ZZEF1: variants seen among roughly 807,000 people sequenced by gnomAD.
ZZEF1 encodes zinc finger ZZ-type and EF-hand domain containing 1.
ZZEF1 carries 157 observed loss-of-function variants against 342.8 expected under a neutral mutation model. The observed-to-expected ratio is 0.46, with a 90% CI of 0.40 to 0.52. The LOEUF is 0.52. Among genes scored for constraint, ZZEF1 ranks in the 20% least tolerant of loss-of-function variants. The pLI is 0.00. For missense variants in ZZEF1, 3,480 were observed against 3,725.6 expected (o/e 0.93, Z 1.72); for synonymous variants, 1,505 against 1,429.1 (o/e 1.05, Z -1.20).
chr17:4,085,625 C>G (rs1211800190), intron 16 of ZZEF1, 45 bp downstream of exon 16: 39 of 1,608,718 alleles, frequency 2.4e-5, no homozygotes, highest in Non-Finnish European at 3.2e-5. Flanking sequence ...AAATTTCATC[C>G]TCACAGACTT....
chr17:4,075,116 C>G lies in ZZEF1; in HGVS notation c.3464G>C (p.Gly1155Ala), dbSNP rs2057585037. 1 of 1,614,058 alleles carries G rather than the reference C, an allele frequency of 6.2e-7. No individual in the cohort carries two copies. The highest frequency in any genetic ancestry group is 1.3e-5 in the African/African-American group (1 of 74,914). The change falls in exon 23 of 55, where the codon GGC (glycine) becomes GCC (alanine). Residue 1155 changes from glycine to alanine, a missense_variant. By Grantham distance (60) the Gly-to-Ala change is moderately conservative. Coordinates refer to ENST00000381638, the MANE Select transcript of ZZEF1 (RefSeq NM_015113.4). ...ACTCACCTTGGGCCATTTATCAGTGCCAACTTTTGTGTCATAGCGTGTTTT... is the reference window on the plus strand; with the variant it reads ...ACTCACCTTGGGCCATTTATCAGTGGCAACTTTTGTGTCATAGCGTGTTTT... ...GRKTRYDTKV[G>A]TDKWPKKVTF...
chr17:4,139,213 T>G (rs1053251665), intron 1 of ZZEF1, among the ~76,000 whole-genome samples: 2 of 150,486 alleles, frequency 1.3e-5, no homozygotes, highest in Non-Finnish European at 2.9e-5. Flanking sequence ...TGGTCCATGG[T>G]CCAACTCCAA....
At chr17:4,123,236 T>C (rs2145548349) in intron 2 of ZZEF1, among the ~76,000 whole-genome samples, 1 of 141,568 alleles carries the variant, frequency 7.1e-6, no homozygotes, top group South Asian at 2.2e-4. Context: ...CTTCTTATTA[T>C]GCCTAATTTA....
At chr17:4,136,069 T>C (rs1246720023) in intron 1 of ZZEF1, among the ~76,000 whole-genome samples, 1 of 142,136 alleles carries the variant, frequency 7.0e-6, no homozygotes, top group Non-Finnish European at 1.5e-5. Flanking sequence ...CTCGGCTCAC[T>C]GCAACCTGTC....
At position 4,021,933 on chromosome 17, in the gene ZZEF1, G is replaced by GT. The variant is rs932241935; in HGVS notation, c.7213-614dup. Among the ~76,000 whole-genome samples the GT allele has an allele frequency of 1.3e-3, 186 of 146,646 alleles. 1 individual carries two copies. The highest frequency in any genetic ancestry group is 7.1e-3 in the South Asian group (33 of 4,648). On this transcript the variant is annotated intron_variant, in intron 44 of 54. Coordinates refer to ENST00000381638, the MANE Select transcript of ZZEF1 (RefSeq NM_015113.4). The stretch of plus-strand genomic sequence containing the variant: ...GTGTTTGGAATATAGAGTTTGGAGG[G>GT]TTTTTTTTTTTCTTTTATAAAGTTT...
chr17:4,025,838 A>G (rs1292871709), intron 42 of ZZEF1, among the ~76,000 whole-genome samples: 1 of 152,252 alleles, frequency 6.6e-6, no homozygotes, highest in African/African-American at 2.4e-5. Context: ...GTATAGGACT[A>G]TGATCCCTGA....
Position 4,109,672 on chromosome 17 carries a change from T to C in ZZEF1, c.1258A>G (p.Thr420Ala). 3.1e-6 allele frequency: 5 copies of C among 1,614,090 alleles called. No individual in the cohort carries two copies. The change falls in exon 6 of 55, where the codon ACA (threonine) becomes GCA (alanine). Residue 420 changes from threonine to alanine, a missense_variant. This residue lies in a region of ZZEF1 where 1,528 missense variants were observed against 1,624.1 expected (regional missense o/e 0.94). Coordinates refer to ENST00000381638, the MANE Select transcript of ZZEF1 (RefSeq NM_015113.4). ...SMETNPAFVQ[T>A]VLHNTQKALR... ...ACTTACTGAGTATTGTGCAGCACTGTCTGGACAAAGGCGGGATTTGTCTCC... is the reference window on the plus strand; with the variant it reads ...ACTTACTGAGTATTGTGCAGCACTGCCTGGACAAAGGCGGGATTTGTCTCC...
rs1165609641 is a variant in ZZEF1 at position 4,114,314 on chromosome 17, C to A, written c.851G>T (p.Cys284Phe). 1 of 1,600,264 alleles carries A rather than the reference C, an allele frequency of 6.2e-7. No homozygotes were observed. The highest frequency in any genetic ancestry group is 2.3e-5 in the East Asian group (1 of 44,322). Residue 284 changes from cysteine (C) to phenylalanine (F), a missense_variant, in exon 4 of 55, where the codon TGT (cysteine) becomes TTT (phenylalanine). By Grantham distance (205) the Cys-to-Phe change is radical (BLOSUM62 -2). Coordinates refer to ENST00000381638, the MANE Select transcript of ZZEF1 (RefSeq NM_015113.4). ...SSYWQSDGSA[C>F]SHWIRLKMKP... The stretch of plus-strand genomic sequence containing the variant: ...TACCACCCACCGAATCCAGTGTGAA[C>A]AGGCACTGCCATCTGACTGCCAGTA...
chr17:4,103,271 A>G (rs1238069569), intron 8 of ZZEF1, among the ~76,000 whole-genome samples: 1 of 152,180 alleles, frequency 6.6e-6, no homozygotes, highest in Admixed American at 6.6e-5. Context: ...GCTGGGCATC[A>G]TGGCTCATGC....
chr17:4,120,444 G>A (rs1292132386), intron 2 of ZZEF1, among the ~76,000 whole-genome samples: 1 of 152,030 alleles, frequency 6.6e-6, no homozygotes, highest in Admixed American at 6.6e-5. Flanking sequence ...AGAAATAATA[G>A]GATATATGTA....
At chr17:4,095,805 T>A in intron 11 of ZZEF1, 26 bp downstream of exon 11, 1 of 1,587,542 alleles carries the variant, frequency 6.3e-7, no homozygotes, top group Non-Finnish European at 8.6e-7. Context: ...AGATCTTTGT[T>A]CTACAAAGAT....
At chr17:4,111,018 C>T (rs772779668) in intron 5 of ZZEF1, among the ~76,000 whole-genome samples, 8 of 152,078 alleles carry the variant, frequency 5.3e-5, no homozygotes, top group South Asian at 4.1e-4. Context: ...CAGCCAATTA[C>T]GGCATATTTT....
In ZZEF1 at chr17:4,062,649, G is replaced by T. The variant is rs900809718; in HGVS notation, c.4883+104C>A. The T allele has an allele frequency of 2.3e-6, 3 of 1,289,478 alleles. No homozygotes were observed. In the East Asian group the frequency reaches 7.7e-5, roughly 33 times the overall value. 79.9% of individuals were successfully genotyped at this position (1,289,478 alleles called of 1,614,324 possible). On this transcript the variant is annotated intron_variant, in intron 30 of 54. Transcript: ENST00000381638. ...ATGAATTAACCAAAAACGTACATTT[G>T]TATCCTACATAGAAATGATGCTGCT...
chr17:4,112,033 A>AATATATATATATATATATAT (rs57925351), intron 5 of ZZEF1, among the ~76,000 whole-genome samples: 1 of 54,436 alleles, frequency 1.8e-5, no homozygotes, highest in African/African-American at 5.6e-5. Flanking sequence ...ATCCTGTCTA[A>AATATATATATATATATATAT]ATATATATAT....
At position 4,122,164 on chromosome 17, in the gene ZZEF1, T is replaced by C. The variant is rs80205776; in HGVS notation, c.499+1743A>G. Reference sequence around the variant, plus strand: ...TATTTTGCCTCCATTGCTGCCCTAGTGACCCTAAGTATTATGACACCAAGT... The same window carrying C: ...TATTTTGCCTCCATTGCTGCCCTAGCGACCCTAAGTATTATGACACCAAGT... On this transcript the variant is annotated intron_variant, in intron 2 of 54. Coordinates refer to ENST00000381638, the MANE Select transcript of ZZEF1 (RefSeq NM_015113.4). Among the ~76,000 whole-genome samples, 778 of 152,264 alleles carry C rather than the reference T, an allele frequency of 5.1e-3. 7 individuals are homozygous for C. The highest frequency in any genetic ancestry group is 0.018 in the African/African-American group (737 of 41,546).
chr17:4,064,063 AGG>A lies in ZZEF1; in HGVS notation c.4718+296_4718+297del, dbSNP rs35156991. 4.1e-5 allele frequency among the ~76,000 whole-genome samples: 6 copies of A among 144,824 alleles called. No homozygotes were observed. In the East Asian group the frequency reaches 6.2e-4, roughly 15 times the overall value. On this transcript the variant is annotated intron_variant, in intron 29 of 54. Transcript: ENST00000381638. Reference sequence around the variant, plus strand: ...TTTAAAAAAAATTTTTTGTAGATGGAGGGGGGGGGGTCTCACTATGTTGCCCA... The same window carrying A: ...TTTAAAAAAAATTTTTTGTAGATGGAGGGGGGGGTCTCACTATGTTGCCCA...
At chr17:4,062,663 A>C in intron 30 of ZZEF1, 90 bp downstream of exon 30, 1 of 1,372,990 alleles carries the variant, frequency 7.3e-7, no homozygotes, top group Non-Finnish European at 9.7e-7. Flanking sequence ...CCTACATAGA[A>C]ATGATGCTGC....
At chr17:4,120,804 C>T (rs958849612) in intron 2 of ZZEF1, among the ~76,000 whole-genome samples, 1 of 152,146 alleles carries the variant, frequency 6.6e-6, no homozygotes, top group African/African-American at 2.4e-5. Flanking sequence ...AAACTTGTTC[C>T]TATGATGGAA....
At chr17:4,112,933 T>A in intron 4 of ZZEF1, 125 bp from the exon 5 acceptor site, 1 of 782,622 alleles carries the variant, frequency 1.3e-6, no homozygotes, top group Non-Finnish European at 1.9e-6. Flanking sequence ...TAACAGCAAC[T>A]AACTTGAAAT....
Sources: gnomAD v4.1 joint callset for allele counts (sites outside exome capture counted in the v4.1 genomes callset) on GRCh38, gnomAD v4.1.1 for gene constraint, gnomAD v4.1.1 regional missense constraint, MANE v1.5 for transcripts, NCBI Gene and HGNC (gene_info 2026-07-23, HGNC 2026-07-21) for gene names.